Variants in BAZ2A observed in about 807,000 individuals in gnomAD.
The protein encoded by BAZ2A is bromodomain adjacent to zinc finger domain protein 2A.
BAZ2A carries 34 observed loss-of-function variants against 199.9 expected under a neutral mutation model. That is an observed-to-expected ratio of 0.17 (90% CI 0.13 to 0.23). BAZ2A has a LOEUF of 0.23. Among genes scored for constraint, BAZ2A ranks in the 10% least tolerant of loss-of-function variants. The pLI is 1.00. For synonymous variants in BAZ2A, 857 were observed against 883.9 expected (o/e 0.97, Z 0.54); for missense variants, 2,002 against 2,391.1 (o/e 0.84, Z 3.39).
At chr12:56,638,251 C>T (rs1389810312), upstream of BAZ2A, 1 of 1,259,462 alleles carries the variant, frequency 7.9e-7, no homozygotes. Flanking sequence ...GGCTCTTGTG[C>T]AGCCTACACA....
rs761072442 is a variant in BAZ2A, at chr12:56,598,890, G to A, written c.5524C>T (p.Arg1842Trp). 7 of 1,605,800 alleles carry A rather than the reference G, an allele frequency of 4.4e-6. No individual in the cohort carries two copies. The highest frequency in any genetic ancestry group is 3.4e-5 in the Admixed American group (2 of 58,570). Residue 1842 changes from arginine to tryptophan, a missense_variant, in exon 28 of 29, where the codon CGG becomes TGG. Arg to Trp is a moderately radical substitution (Grantham distance 101). Coordinates refer to ENST00000549884, the MANE Select transcript of BAZ2A (RefSeq NM_001300905.2). ...IKNPMDFSTM[R>W]ERLLRGGYTS... ...TACCCTCCCCTGAGCAGCCGCTCCC[G>A]CATGGTGGAAAAATCCATAGGATTT...
intron 19 of BAZ2A, 80 bp downstream of exon 19, chr12:56,602,633 C>A: frequency 6.5e-7 from 1 of 1,528,998 alleles, no homozygotes. Context: ...ATGAAAGAAG[C>A]CCAAGACTAC....
Position 56,615,510 on chromosome 12 carries a change from TGAGGTGCTG to T in BAZ2A, c.225_233del (p.Ser76_Ser78del). The T allele has an allele frequency of 6.2e-7, 1 of 1,613,036 alleles. No individual in the cohort carries two copies. Among genetic ancestry groups the T allele is most frequent in the Non-Finnish European group, 8.5e-7 (1 of 1,179,758 alleles). On this transcript the variant is annotated inframe_deletion, in exon 3 of 29. Transcript: ENST00000549884. ...AGGCCACGCTGGGGTGATGGAGGTG[TGAGGTGCTG>T]GAGGAGTGGGGAGCAGAGTTCAAAA... is the stretch of plus-strand genomic sequence containing the variant.
Position 56,611,850 on chromosome 12 carries a change from T to C in BAZ2A, c.1532A>G (p.Lys511Arg). The C allele has an allele frequency of 6.3e-7, 1 of 1,595,776 alleles. No individual in the cohort carries two copies. Among genetic ancestry groups the C allele is most frequent in the Non-Finnish European group, 8.5e-7 (1 of 1,169,996 alleles). Residue 511 changes from lysine to arginine, a missense_variant, in exon 6 of 29, where the codon AAG becomes AGG. By Grantham distance (26) the Lys-to-Arg change is conservative. Coordinates refer to ENST00000549884, the MANE Select transcript of BAZ2A (RefSeq NM_001300905.2). ...GGTTTCTAGAAAGCTGCTGACATCC[T>C]TATTTGCTGGGGAGGCTGTTGGAAA... is the stretch of plus-strand genomic sequence containing the variant. ...AAFPTASPAN[K>R]DVSSFLETTA...
chr12:56,627,409 T>C (rs1323943545), intron 1 of BAZ2A, among the ~76,000 whole-genome samples: 1 of 146,594 alleles, frequency 6.8e-6, no homozygotes, highest in South Asian at 2.1e-4. Context: ...AGGGTTGCAG[T>C]GAGTCCAGAT....
rs1056552419 is a variant in BAZ2A, at chr12:56,606,419, G to C, written c.2194-107C>G. 3.7e-6 allele frequency: 5 copies of C among 1,364,554 alleles called. No homozygotes were observed. In the African/African-American group the frequency reaches 7.2e-5, roughly 20 times the overall value. The allele number at this position is 1,364,554 out of a possible 1,614,324, so 84.5% of individuals were successfully genotyped here. The stretch of plus-strand genomic sequence containing the variant: ...TGCTGGGGAGGAGAGGTGAGAGATG[G>C]AATGAGGGGTTGGCAATGGATTAAT... On this transcript the variant is annotated intron_variant, in intron 11 of 28. Transcript: ENST00000549884.
intron 10 of BAZ2A, among the ~76,000 whole-genome samples, chr12:56,608,141 G>C (rs545852516): frequency 4.0e-5 from 6 of 151,690 alleles, no homozygotes; most frequent in African/African-American, 1.4e-4. Context: ...GAGAGGTCGA[G>C]GTGGGCGGAT....
rs370914895 is a variant in BAZ2A at position 56,613,119 on chromosome 12, T to C, written c.1031A>G (p.Asn344Ser). ...VISALDCPSL[N>S]NATAFSLLAD... ...CAGGAGACTGAAGGCAGTAGCATTATTGAGGGAAGGGCAATCAAGGGCAGA... is the reference window on the plus strand; with the variant it reads ...CAGGAGACTGAAGGCAGTAGCATTACTGAGGGAAGGGCAATCAAGGGCAGA... Residue 344 changes from asparagine (N) to serine (S), a missense_variant, in exon 5 of 29, where the codon AAT (asparagine) becomes AGT (serine). This residue lies in a region of BAZ2A where 641 missense variants were observed against 694.5 expected (regional missense o/e 0.92). Transcript: ENST00000549884. 3.1e-6 allele frequency: 5 copies of C among 1,613,866 alleles called. No homozygotes were observed. Among genetic ancestry groups the C allele is most frequent in the African/African-American group, 2.7e-5 (2 of 74,910 alleles).
chr12:56,598,657 G>A lies in BAZ2A; in HGVS notation c.5673C>T (p.Arg1891=), dbSNP rs541800501. 1.9e-6 allele frequency: 3 copies of A among 1,613,868 alleles called. No homozygotes were observed. Among genetic ancestry groups the A allele is most frequent in the African/African-American group, 2.7e-5 (2 of 75,036 alleles). Residue 1891 remains arginine (R), a synonymous_variant, in exon 29 of 29, where the codon CGC becomes CGT. Coordinates refer to ENST00000549884, the MANE Select transcript of BAZ2A (RefSeq NM_001300905.2). ...GHIMRRFFES[R]WEEFYQGKQA... Reference sequence around the variant, plus strand: ...GTTTTCCCTGATAAAACTCCTCCCAGCGGCTCTCGAAGAAGCGGCGCATGA... The same window carrying A: ...GTTTTCCCTGATAAAACTCCTCCCAACGGCTCTCGAAGAAGCGGCGCATGA...
At chr12:56,602,962 A>C in intron 18 of BAZ2A, 105 bp from the exon 19 acceptor site, 1 of 1,298,512 alleles carries the variant, frequency 7.7e-7, no homozygotes, top group Non-Finnish European at 1.0e-6. Context: ...GTCCCTCTAT[A>C]AAAGTGATGC....
At chr12:56,606,411 G>T in intron 11 of BAZ2A, 99 bp from the exon 12 acceptor site, 1 of 1,431,410 alleles carries the variant, frequency 7.0e-7, no homozygotes, top group Non-Finnish European at 9.8e-7. Context: ...GAGGAGAGGT[G>T]AGAGATGGAA....
intron 7 of BAZ2A, among the ~76,000 whole-genome samples, chr12:56,610,742 C>G (rs545331972): frequency 2.0e-5 from 3 of 152,138 alleles, no homozygotes; most frequent in Non-Finnish European, 4.4e-5. Flanking sequence ...CCAAACTGCA[C>G]AAGCTCAGAG....
In BAZ2A at chr12:56,599,997, C is replaced by T; in HGVS notation, c.4992G>A (p.Arg1664=). Residue 1664 remains arginine, a synonymous_variant, in exon 25 of 29, where the codon AGG becomes AGA. Coordinates refer to ENST00000549884, the MANE Select transcript of BAZ2A (RefSeq NM_001300905.2). ...QVCLCLGQLE[R]SIAWEKSVNK... is the part of the protein sequence containing the mutation. ...TGACAGACTTCTCCCAGGCAATGGA[C>T]CTCTCCAGCTGGCCCAGGCACAAGC... The T allele has an allele frequency of 6.2e-7, 1 of 1,614,022 alleles. No individual in the cohort carries two copies.
At chr12:56,605,404 T>C in intron 13 of BAZ2A, 77 bp from the exon 14 acceptor site, 3 of 1,387,610 alleles carry the variant, frequency 2.2e-6, no homozygotes, top group African/African-American at 1.5e-5. Flanking sequence ...CAAGAGGTTC[T>C]TCCTTTAATT....
At chr12:56,609,701 G>T (rs79273645) in intron 10 of BAZ2A, 35 bp downstream of exon 10, 25,727 of 1,587,962 alleles carry the variant, frequency 0.016, 223 homozygotes, top group Middle Eastern at 0.02. Flanking sequence ...CCTCATGGAG[G>T]GAGCAGAATC....
chr12:56,636,627 G>A (rs1211910894), upstream of BAZ2A: 3 of 178,216 alleles, frequency 1.7e-5, no homozygotes, highest in African/African-American at 7.1e-5. Flanking sequence ...GGATGCAAAA[G>A]ACCTTTAGGA....
In BAZ2A at chr12:56,623,760, C is replaced by T. The variant is rs79247984; in HGVS notation, c.-2-6228G>A. On this transcript the variant is annotated intron_variant, in intron 1 of 28. Coordinates refer to ENST00000549884, the MANE Select transcript of BAZ2A (RefSeq NM_001300905.2). ...CTTCAACAAACAGGACAGCGCCCCCCACAACGAAGATATTATCTGGCCCAC... is the reference window on the plus strand; with the variant it reads ...CTTCAACAAACAGGACAGCGCCCCCTACAACGAAGATATTATCTGGCCCAC... 2.7e-3 allele frequency among the ~76,000 whole-genome samples: 417 copies of T among 152,168 alleles called. 5 individuals are homozygous for T. The highest frequency in any genetic ancestry group is 0.023 in the East Asian group (117 of 5,186).
rs1950273636 is a variant in BAZ2A at position 56,604,236 on chromosome 12, C to T, written c.3019G>A (p.Val1007Ile). Residue 1007 changes from valine to isoleucine, a missense_variant, in exon 16 of 29, where the codon GTT (valine) becomes ATT (isoleucine). Coordinates refer to ENST00000549884, the MANE Select transcript of BAZ2A (RefSeq NM_001300905.2). ...CCCTACCTCCGGAGCCGGCCTTCAA[C>T]AATCCACTTGTTTTTCCTGTAGCTG... ...MSSYRKNKWI[V>I]EGRLRRLKTV... is the part of the protein sequence containing the mutation. 6 of 1,607,964 alleles carry T rather than the reference C, an allele frequency of 3.7e-6. No individual in the cohort carries two copies. Among genetic ancestry groups the T allele is most frequent in the Non-Finnish European group, 5.1e-6 (6 of 1,176,978 alleles).
intron 1 of BAZ2A, chr12:56,621,041 A>G (rs542021800): frequency 1.0e-6 from 1 of 983,746 alleles, no homozygotes; most frequent in African/African-American, 1.7e-5. Context: ...TTCACTTCAG[A>G]AGTCCTGGAA....
Sources: allele counts gnomAD v4.1 joint callset (sites outside exome capture counted in the v4.1 genomes callset), GRCh38; gene constraint gnomAD v4.1.1; regional missense constraint gnomAD v4.1.1; transcripts MANE v1.5; gene names NCBI Gene and HGNC (gene_info 2026-07-23, HGNC 2026-07-21).